EPB41L4A: variants seen among roughly 807,000 people sequenced by gnomAD.
EPB41L4A encodes erythrocyte membrane protein band 4.1 like 4A, also known as band 4.1-like protein 4A.
EPB41L4A carries 100 observed loss-of-function variants against 108.6 expected under a neutral mutation model. The observed-to-expected ratio is 0.92, with a 90% confidence interval of 0.78 to 1.09. The LOEUF (loss-of-function observed/expected upper bound fraction) is 1.09. Ranked by LOEUF, EPB41L4A falls within the 50% of genes least tolerant of loss-of-function variation. The pLI is 0.00. For missense variants in EPB41L4A, 1,030 were observed against 842.7 expected (o/e 1.22, Z -2.75); for synonymous variants, 319 against 289.0 (o/e 1.10, Z -1.05).
chr5:112,195,896 C>A (rs1435799681), intron 15 of EPB41L4A, among the ~76,000 whole-genome samples, 188 bp from the exon 16 acceptor site: 1 of 152,108 alleles, frequency 6.6e-6, no homozygotes, highest in East Asian at 1.9e-4. Context: ...ATGTTAATAA[C>A]ATCACCTGGC....
At chr5:112,186,418 C>T (rs573429687) in intron 17 of EPB41L4A, among the ~76,000 whole-genome samples, 4 of 152,314 alleles carry the variant, frequency 2.6e-5, no homozygotes, top group Admixed American at 2.6e-4. Context: ...GAGACATAAG[C>T]ATGCGTATTT....
At chr5:112,232,856 G>A (rs549346288) in intron 12 of EPB41L4A, among the ~76,000 whole-genome samples, 1 of 152,084 alleles carries the variant, frequency 6.6e-6, no homozygotes, top group East Asian at 1.9e-4. Flanking sequence ...CACCTCACAG[G>A]GTGAGGCTCA....
intron 12 of EPB41L4A, among the ~76,000 whole-genome samples, chr5:112,226,852 A>T (rs1207341648): frequency 1.3e-5 from 2 of 152,028 alleles, no homozygotes; most frequent in Non-Finnish European, 2.9e-5. Flanking sequence ...TACGGGGTAT[A>T]GTTTCAGAGT....
Position 112,390,568 on chromosome 5 carries a change from T to A in EPB41L4A, c.99+28373A>T, listed in dbSNP as rs190116368. 3.9e-3 allele frequency among the ~76,000 whole-genome samples: 597 copies of A among 152,280 alleles called. 5 individuals carry two copies. Among genetic ancestry groups the A allele is most frequent in the African/African-American group, 0.013 (539 of 41,558 alleles). On this transcript the variant is annotated intron_variant, in intron 1 of 22. Coordinates refer to ENST00000261486, the MANE Select transcript of EPB41L4A (RefSeq NM_022140.5). ...GAAACTCAAACTGGGTGGAGCTCAC[T>A]GCAGCTCAACGAGGCCAGCGTGACT...
At chr5:112,245,931 G>C (rs1308559744) in intron 9 of EPB41L4A, among the ~76,000 whole-genome samples, 1 of 152,208 alleles carries the variant, frequency 6.6e-6, no homozygotes, top group African/African-American at 2.4e-5. Context: ...GTCAAATCGA[G>C]TTTGAAAGGA....
chr5:112,170,701 G>A (rs1486164113), intron 19 of EPB41L4A, among the ~76,000 whole-genome samples: 1 of 152,142 alleles, frequency 6.6e-6, no homozygotes, highest in Non-Finnish European at 1.5e-5. Context: ...CTATTGGCCT[G>A]TCTGAGGTCC....
At chr5:112,409,983 A>G (rs2112804702) in intron 1 of EPB41L4A, among the ~76,000 whole-genome samples, 1 of 152,298 alleles carries the variant, frequency 6.6e-6, no homozygotes, top group Non-Finnish European at 1.5e-5. Flanking sequence ...GGTGAGCAGG[A>G]AAGTACAAAA....
intron 12 of EPB41L4A, among the ~76,000 whole-genome samples, chr5:112,154,749 G>A (rs1177875475): frequency 2.0e-5 from 3 of 152,130 alleles, no homozygotes; most frequent in Non-Finnish European, 1.5e-5. Context: ...CATTGCTAAA[G>A]TGACATAAAT....
chr5:112,272,138 A>ACTTT (rs10628909), intron 4 of EPB41L4A, among the ~76,000 whole-genome samples: 6 of 136,534 alleles, frequency 4.4e-5, no homozygotes, highest in African/African-American at 1.6e-4. Context: ...CATTATTTGT[A>ACTTT]TTTTTTTTTT....
chr5:112,418,013 C>G (rs918245073), intron 1 of EPB41L4A, among the ~76,000 whole-genome samples: 32 of 152,106 alleles, frequency 2.1e-4, no homozygotes, highest in African/African-American at 6.3e-4. Context: ...AGCCTGAACT[C>G]GATTTCTCAG....
At chr5:112,404,137 T>A (rs185057152) in intron 1 of EPB41L4A, among the ~76,000 whole-genome samples, 146 of 152,362 alleles carry the variant, frequency 9.6e-4, no homozygotes, top group Middle Eastern at 3.4e-3. Flanking sequence ...TGTCATGATT[T>A]CACCTCCCAT....
At chr5:112,263,590 C>G (rs1015659989) in intron 6 of EPB41L4A, 2 of 152,118 alleles carry the variant, frequency 1.3e-5, no homozygotes, top group African/African-American at 4.8e-5. Context: ...AAACACATTG[C>G]CCTTCCTAAT....
intron 17 of EPB41L4A, among the ~76,000 whole-genome samples, chr5:112,194,148 A>G (rs1761844234): frequency 1.3e-5 from 2 of 152,228 alleles, no homozygotes; most frequent in African/African-American, 4.8e-5. Context: ...ATATATATAT[A>G]TACATAAGCC....
At chr5:112,349,342 T>G (rs985851240) in intron 1 of EPB41L4A, among the ~76,000 whole-genome samples, 3 of 152,004 alleles carry the variant, frequency 2.0e-5, no homozygotes. Flanking sequence ...GAAGTGAACC[T>G]TGGAAAGAGG....
intron 1 of EPB41L4A, among the ~76,000 whole-genome samples, chr5:112,380,752 G>A (rs908843844): frequency 4.0e-5 from 6 of 150,968 alleles, no homozygotes; most frequent in African/African-American, 1.5e-4. Context: ...TATAACTTCA[G>A]TACCAAAAAG....
At chr5:112,255,083 TAA>T (rs1750980097) in intron 9 of EPB41L4A, among the ~76,000 whole-genome samples, 2 of 152,010 alleles carry the variant, frequency 1.3e-5, no homozygotes, top group Non-Finnish European at 2.9e-5. Flanking sequence ...TCCTTCCCCC[TAA>T]AACTCCCAGC....
At chr5:112,296,538 T>C (rs369693500) in intron 2 of EPB41L4A, among the ~76,000 whole-genome samples, 5 of 152,188 alleles carry the variant, frequency 3.3e-5, no homozygotes, top group Non-Finnish European at 5.9e-5. Flanking sequence ...AATGGACTAA[T>C]TGGAAAGAAA....
intron 9 of EPB41L4A, among the ~76,000 whole-genome samples, chr5:112,244,180 T>G (rs758808783): frequency 2.6e-5 from 4 of 152,190 alleles, no homozygotes; most frequent in Non-Finnish European, 5.9e-5. Context: ...TACTGTTTCT[T>G]GGAAACTAGG....
rs763406568 is a variant in EPB41L4A, at chr5:112,300,550, C to T, written c.204+6836G>A. Among the ~76,000 whole-genome samples, 5 of 152,276 alleles carry T rather than the reference C, an allele frequency of 3.3e-5. No homozygotes were observed. The East Asian group carries it at 7.7e-4, about 23-fold the overall frequency. On this transcript the variant is annotated intron_variant, in intron 2 of 22. Transcript: ENST00000261486. ...CTGATAGGTTTTCCTTTATAGATTACCTAATGCTTTTGCCTCACAGCTACT... is the reference window on the plus strand; with the variant it reads ...CTGATAGGTTTTCCTTTATAGATTATCTAATGCTTTTGCCTCACAGCTACT...
Sources: allele counts gnomAD v4.1 joint callset (sites outside exome capture counted in the v4.1 genomes callset), GRCh38; gene constraint gnomAD v4.1.1; transcripts MANE v1.5; gene names NCBI Gene and HGNC (gene_info 2026-07-23, HGNC 2026-07-21).